The following PRDM1 variants were observed in gnomAD, a reference collection of about 807,000 sequenced individuals.
The protein encoded by PRDM1 is PR domain zinc finger protein 1.
Under a neutral mutation model 62.8 loss-of-function variants are expected in PRDM1, and 13 were observed. The ratio of observed to expected loss-of-function variants is 0.21; its 90% CI spans 0.13 to 0.33. The LOEUF is 0.33. Among genes scored for constraint, PRDM1 ranks in the 10% least tolerant of loss-of-function variants. The pLI is 1.00. For missense variants in PRDM1, 895 were observed against 1,058.8 expected (o/e 0.85, Z 2.15); for synonymous variants, 396 against 417.6 (o/e 0.95, Z 0.63).
chr6:106,104,514 G>C (rs892037168), intron 4 of PRDM1, among the ~76,000 whole-genome samples: 10 of 152,298 alleles, frequency 6.6e-5, no homozygotes, highest in Admixed American at 6.5e-5. Flanking sequence ...TCCAGCTTAG[G>C]CTATCTTACT....
At chr6:106,020,105 G>A (rs1222098399) in intron 1 of PRDM1, among the ~76,000 whole-genome samples, 1 of 149,902 alleles carries the variant, frequency 6.7e-6, no homozygotes, top group Non-Finnish European at 1.5e-5. Flanking sequence ...GCGTGCACCT[G>A]TAATCCAAGC....
intron 1 of PRDM1, among the ~76,000 whole-genome samples, chr6:106,030,907 C>T (rs1772834803): frequency 6.6e-6 from 1 of 151,390 alleles, no homozygotes; most frequent in Non-Finnish European, 1.5e-5. Flanking sequence ...ATTTTAATAT[C>T]AGCATATGAT....
rs144386359 is a variant in PRDM1 at position 106,021,041 on chromosome 6, A to G, written c.-67+27402A>G. On this transcript the variant is annotated intron_variant, in intron 1 of 6. Transcript: ENST00000652320. Reference sequence around the variant, plus strand: ...ATAAAAGACTAGCATTAATAAGTACAGTAAAAAGTAGGCCATTCATAACAA... The same window carrying G: ...ATAAAAGACTAGCATTAATAAGTACGGTAAAAAGTAGGCCATTCATAACAA... Among the ~76,000 whole-genome samples, 764 of 152,330 alleles carry G rather than the reference A, an allele frequency of 5.0e-3. 10 individuals are homozygous for G. The highest frequency in any genetic ancestry group is 0.017 in the African/African-American group (720 of 41,580).
chr6:106,005,943 T>A (rs1439012461), intron 1 of PRDM1, among the ~76,000 whole-genome samples: 1 of 152,236 alleles, frequency 6.6e-6, no homozygotes, highest in Non-Finnish European at 1.5e-5. Flanking sequence ...AGGTTATTTC[T>A]CCAGCATCAG....
intron 1 of PRDM1, among the ~76,000 whole-genome samples, chr6:106,021,914 C>T (rs559146392): frequency 1.3e-5 from 2 of 152,282 alleles, no homozygotes; most frequent in Admixed American, 1.3e-4. Flanking sequence ...GCCACCGTGC[C>T]CAGCGTGAAA....
chr6:105,997,116 G>GA (rs1772357696), intron 1 of PRDM1, among the ~76,000 whole-genome samples: 1 of 152,198 alleles, frequency 6.6e-6, no homozygotes, highest in African/African-American at 2.4e-5. Flanking sequence ...ATACTGTAAG[G>GA]ACAGGGGTAA....
chr6:106,085,045 A>G (rs980154034), upstream of PRDM1, among the ~76,000 whole-genome samples: 1 of 152,210 alleles, frequency 6.6e-6, no homozygotes, highest in African/African-American at 2.4e-5. Flanking sequence ...GAGAAAAGAA[A>G]TTTTAAAGAT....
At chr6:106,054,026 C>T (rs1773224239) in intron 1 of PRDM1, among the ~76,000 whole-genome samples, 1 of 151,760 alleles carries the variant, frequency 6.6e-6, no homozygotes, top group South Asian at 2.1e-4. Flanking sequence ...TTGTGTTGGT[C>T]TCTTTTTTTT....
upstream of PRDM1, among the ~76,000 whole-genome samples, chr6:106,045,076 A>AT (rs1252958586): frequency 1.3e-5 from 2 of 152,156 alleles, no homozygotes; most frequent in Non-Finnish European, 2.9e-5. Flanking sequence ...TGTTTAAGTG[A>AT]TTTTTTCAAC....
chr6:106,044,003 T>C (rs1012861467), upstream of PRDM1, among the ~76,000 whole-genome samples: 4 of 152,046 alleles, frequency 2.6e-5, no homozygotes, highest in African/African-American at 7.2e-5. Flanking sequence ...CTTACTTTAA[T>C]TTTTTTTCTG....
intron 3 of PRDM1, among the ~76,000 whole-genome samples, chr6:106,097,714 G>A (rs1448129650): frequency 6.6e-6 from 1 of 152,170 alleles, no homozygotes; most frequent in Non-Finnish European, 1.5e-5. Flanking sequence ...TTTAAATGAG[G>A]ATACAGTAAA....
intron 1 of PRDM1, among the ~76,000 whole-genome samples, chr6:106,038,952 C>T (rs1205180034): frequency 1.3e-5 from 2 of 152,156 alleles, no homozygotes; most frequent in East Asian, 3.8e-4. Context: ...CTCCCAACTG[C>T]CATTTCACAC....
chr6:106,011,546 C>T (rs1207238898), intron 1 of PRDM1, among the ~76,000 whole-genome samples: 1 of 152,050 alleles, frequency 6.6e-6, no homozygotes, highest in African/African-American at 2.4e-5. Context: ...GAGCGGAGTA[C>T]ACTATACCCT....
intron 4 of PRDM1, among the ~76,000 whole-genome samples, chr6:106,102,729 G>A (rs1291591489): frequency 6.6e-6 from 1 of 152,186 alleles, no homozygotes; most frequent in African/African-American, 2.4e-5. Flanking sequence ...AGAACCAAGG[G>A]AGTGTGGAAG....
At chr6:106,028,807 C>T (rs1772799048) in intron 1 of PRDM1, among the ~76,000 whole-genome samples, 2 of 152,092 alleles carry the variant, frequency 1.3e-5, no homozygotes, top group South Asian at 4.1e-4. Context: ...TTCCTTCCAT[C>T]CTCATCTCCA....
chr6:106,020,180 C>T (rs1440900226), intron 1 of PRDM1, among the ~76,000 whole-genome samples: 2 of 124,232 alleles, frequency 1.6e-5, no homozygotes, highest in African/African-American at 2.9e-5. Context: ...GAGACTCTGT[C>T]TCAAAAAAAA....
chr6:105,998,933 ATTTTTTTTTTT>A (rs754830624), intron 1 of PRDM1, among the ~76,000 whole-genome samples: 9 of 6,392 alleles, frequency 1.4e-3, no homozygotes, highest in African/African-American at 8.2e-3. Flanking sequence ...ATATATATAT[ATTTTTTTTTTT>A]TTTTTTCTTT....
At chr6:106,104,449 G>C (rs141227762) in intron 4 of PRDM1, among the ~76,000 whole-genome samples, 1 of 152,322 alleles carries the variant, frequency 6.6e-6, no homozygotes, top group Non-Finnish European at 1.5e-5. Flanking sequence ...GACCTCAGGT[G>C]ATCCGCCCAC....
intron 3 of PRDM1, chr6:106,098,648 G>A (rs759369214): frequency 1.5e-6 from 2 of 1,338,658 alleles, no homozygotes; most frequent in Non-Finnish European, 2.0e-6. Context: ...TCAAATTCGG[G>A]CTGCTGCCCG....
Sources: gnomAD v4.1 joint callset for allele counts (sites outside exome capture counted in the v4.1 genomes callset) on GRCh38, gnomAD v4.1.1 for gene constraint, MANE v1.5 for transcripts, NCBI Gene and HGNC (gene_info 2026-07-23, HGNC 2026-07-21) for gene names.